The following CPNE1 variants were observed in gnomAD, a reference collection of about 807,000 sequenced individuals.
CPNE1 encodes the protein copine-1.
CPNE1 carries 58 observed loss-of-function variants against 63.2 expected under a neutral mutation model. The observed-to-expected ratio is 0.92, with a 90% confidence interval of 0.74 to 1.14. CPNE1 has a LOEUF of 1.14. Among genes scored for constraint, CPNE1 ranks in the 50% most tolerant of loss-of-function variants. The probability of loss-of-function intolerance (pLI) is 0.00; values close to 1 mark genes in which losing one functional copy is unlikely to be tolerated. For missense variants in CPNE1, 672 were observed against 661.7 expected, an observed-to-expected ratio of 1.02 and a Z score of -0.17; for synonymous variants, 237 against 249.0, an observed-to-expected ratio of 0.95 and a Z score of 0.45.
intron 1 of CPNE1, among the ~76,000 whole-genome samples, chr20:35,644,468 A>G (rs2032998024): frequency 6.6e-6 from 1 of 152,206 alleles, no homozygotes; most frequent in Non-Finnish European, 1.5e-5. Flanking sequence ...TTAAGGTCCA[A>G]ACTCAGTACA....
intron 14 of CPNE1, 154 bp from the exon 15 acceptor site, chr20:35,626,957 G>A: frequency 2.9e-6 from 2 of 701,478 alleles, no homozygotes; most frequent in Non-Finnish European, 5.0e-6. Flanking sequence ...GGAGGCTAAG[G>A]CAGGCGGATC....
chr20:35,641,745 T>C (rs1371147043), intron 1 of CPNE1, among the ~76,000 whole-genome samples: 1 of 152,222 alleles, frequency 6.6e-6, no homozygotes, highest in Non-Finnish European at 1.5e-5. Context: ...GCCACACGAC[T>C]GTATTCTGTC....
At position 35,627,330 on chromosome 20, in the gene CPNE1, T is replaced by C. The variant is rs1261447587; in HGVS notation, c.1186A>G (p.Asn396Asp). The C allele has an allele frequency of 1.2e-6, 2 of 1,614,002 alleles. No individual in the cohort carries two copies. The highest frequency in any genetic ancestry group is 1.7e-6 in the Non-Finnish European group (2 of 1,179,998). Reference sequence around the variant, plus strand: ...TGGGCTGCAAACCTGGCCACATGGTTGATGATGGGTGCAAAGTTGGTAGGG... The same window carrying C: ...TGGGCTGCAAACCTGGCCACATGGTCGATGATGGGTGCAAAGTTGGTAGGG... ...YGPTNFAPII[N>D]HVARFAAQAA... The change falls in exon 14 of 16, where the codon AAC becomes GAC. Residue 396 changes from asparagine (N) to aspartate (D), a missense_variant. Coordinates refer to ENST00000397443, the MANE Select transcript of CPNE1 (RefSeq NM_152925.3).
At chr20:35,640,703 G>A (rs1248242726) in intron 1 of CPNE1, among the ~76,000 whole-genome samples, 1 of 152,074 alleles carries the variant, frequency 6.6e-6, no homozygotes, top group African/African-American at 2.4e-5. Flanking sequence ...AACAAGCAGA[G>A]GGACCAGATT....
intron 1 of CPNE1, chr20:35,653,879 C>T (rs961076349): frequency 6.2e-7 from 1 of 1,614,098 alleles, no homozygotes; most frequent in South Asian, 1.1e-5. Context: ...TTATAGTCAG[C>T]CTCATTTCTG....
At chr20:35,652,603 C>A in intron 1 of CPNE1, 3 of 1,614,146 alleles carry the variant, frequency 1.9e-6, no homozygotes, top group Non-Finnish European at 2.5e-6. Context: ...GGCTTCATCC[C>A]GAGACTCAAA....
At chr20:35,641,548 G>A (rs1257147156) in intron 1 of CPNE1, among the ~76,000 whole-genome samples, 1 of 152,142 alleles carries the variant, frequency 6.6e-6, no homozygotes, top group African/African-American at 2.4e-5. Flanking sequence ...TGTAAACTGG[G>A]GGATAGTATC....
At chr20:35,653,649 C>T (rs1302473228) in intron 1 of CPNE1, 3 of 1,614,168 alleles carry the variant, frequency 1.9e-6, no homozygotes, top group East Asian at 4.5e-5. Context: ...GAAGAACATC[C>T]ATCTTTGTAA....
At position 35,630,901 on chromosome 20, in the gene CPNE1, G is replaced by A. The variant is rs754279361; in HGVS notation, c.995C>T (p.Ser332Leu). ...SVGSVVQDYD[S>L]DKLFPAFGFG... is the part of the protein sequence containing the mutation. Reference sequence around the variant, plus strand: ...ATAGCCCAGAGAAGCAGGTACTCACGAGTCATAGTCCTGAACCACGCTGCC... The same window carrying A: ...ATAGCCCAGAGAAGCAGGTACTCACAAGTCATAGTCCTGAACCACGCTGCC... Residue 332 changes from serine (S) to leucine (L), a missense_variant and splice_region_variant, in exon 11 of 16, where the codon TCA becomes TTA. Coordinates refer to ENST00000397443, the MANE Select transcript of CPNE1 (RefSeq NM_152925.3). 2.5e-6 allele frequency: 4 copies of A among 1,605,288 alleles called. No homozygotes were observed. Among genetic ancestry groups the A allele is most frequent in the African/African-American group, 1.3e-5 (1 of 74,814 alleles).
intron 1 of CPNE1, chr20:35,648,932 A>G (rs1210261790): frequency 2.0e-5 from 3 of 152,686 alleles, no homozygotes; most frequent in Non-Finnish European, 4.4e-5. Context: ...TTGTGCAGTT[A>G]AAGCATTAAA....
At position 35,631,596 on chromosome 20, in the gene CPNE1, G is replaced by A; in HGVS notation, c.628-18C>T. On this transcript the variant is annotated intron_variant, in intron 7 of 15. Transcript: ENST00000397443. ...CATTGCACCTGAGGGAAAGGTGTGT[G>A]TGGACATAAACAAGCCAGGTGGCAG... 6 of 1,611,812 alleles carry A rather than the reference G, an allele frequency of 3.7e-6. No individual in the cohort carries two copies. Among genetic ancestry groups the A allele is most frequent in the Non-Finnish European group, 5.1e-6 (6 of 1,177,982 alleles).
rs2146274185 is a variant in CPNE1, at chr20:35,627,289, C to T, written c.1227G>A (p.Gly409=). The change falls in exon 14 of 16, where the codon GGG becomes GGA. Residue 409 remains glycine, a synonymous_variant. Transcript: ENST00000397443. ...CACCCACGACTCTCACCGAGGCAGT[C>T]CCCTGATGTGCAGCCTGGGCTGCAA... ...ARFAAQAAHQ[G]TASQYFMLLL... is the part of the protein sequence containing the mutation. 3 of 1,613,008 alleles carry T rather than the reference C, an allele frequency of 1.9e-6. No individual in the cohort carries two copies. The East Asian group carries it at 6.7e-5, about 36-fold the overall frequency.
intron 1 of CPNE1, among the ~76,000 whole-genome samples, chr20:35,662,394 T>G (rs1488347654): frequency 6.6e-6 from 1 of 152,216 alleles, no homozygotes; most frequent in African/African-American, 2.4e-5. Context: ...GGTATATGGG[T>G]GTGGTAGTAA....
intron 1 of CPNE1, chr20:35,655,328 G>A (rs1173143671): frequency 1.2e-6 from 2 of 1,601,582 alleles, no homozygotes; most frequent in Non-Finnish European, 1.7e-6. Flanking sequence ...GCCATGCTGC[G>A]CTGAAACCAC....
At chr20:35,636,389 GA>G (rs1357660764) in intron 1 of CPNE1, among the ~76,000 whole-genome samples, 1 of 152,192 alleles carries the variant, frequency 6.6e-6, no homozygotes, top group Admixed American at 6.5e-5. Flanking sequence ...TGGGAATAGT[GA>G]AAAATCTAAG....
At chr20:35,654,239 G>A (rs1247756572) in intron 1 of CPNE1, 7 of 1,614,164 alleles carry the variant, frequency 4.3e-6, no homozygotes, top group East Asian at 4.5e-5. Context: ...ATTCTGTTTC[G>A]TTTCAAAGCT....
rs28634878 is a variant in CPNE1, at chr20:35,658,802, A to C, written c.-1+5958T>G. ...TCAAAACAAAAAACAAGCAAACAAAAACACACACACACACACACACACACA... is the reference window on the plus strand; with the variant it reads ...TCAAAACAAAAAACAAGCAAACAAACACACACACACACACACACACACACA... On this transcript the variant is annotated intron_variant, in intron 1 of 15. Transcript: ENST00000397443. 120 of 473,558 alleles carry C rather than the reference A, an allele frequency of 2.5e-4. 1 individual carries two copies. Among genetic ancestry groups the C allele is most frequent in the African/African-American group, 7.0e-4 (33 of 47,078 alleles). 29.3% of individuals were successfully genotyped at this position (473,558 alleles called of 1,614,324 possible). A position where few individuals can be genotyped will look rare whatever the true frequency, so the allele number is the denominator to read the frequency against.
intron 1 of CPNE1, among the ~76,000 whole-genome samples, chr20:35,645,436 G>A (rs957537659): frequency 6.6e-6 from 1 of 152,168 alleles, no homozygotes; most frequent in South Asian, 2.1e-4. Context: ...GGTTCCCGTG[G>A]TATAGGAATG....
At chr20:35,644,578 A>G (rs917384503) in intron 1 of CPNE1, among the ~76,000 whole-genome samples, 1 of 152,354 alleles carries the variant, frequency 6.6e-6, no homozygotes, top group African/African-American at 2.4e-5. Flanking sequence ...AGAAACACTG[A>G]GGCCAGAGGG....
Sources: gnomAD v4.1 joint callset for allele counts (sites outside exome capture counted in the v4.1 genomes callset) on GRCh38, gnomAD v4.1.1 for gene constraint, MANE v1.5 for transcripts, NCBI Gene and HGNC (gene_info 2026-07-23, HGNC 2026-07-21) for gene names.